EIF4E3: variants seen among roughly 807,000 people sequenced by gnomAD.
EIF4E3 encodes eukaryotic translation initiation factor 4E type 3.
EIF4E3 carries 26 observed loss-of-function variants against 31.7 expected under a neutral mutation model. The observed-to-expected ratio is 0.82, with a 90% CI of 0.60 to 1.14. The LOEUF (loss-of-function observed/expected upper bound fraction) is 1.14, where lower values mean the gene tolerates loss of function less well. EIF4E3 is among the 50% of genes most tolerant of loss of function. The probability of loss-of-function intolerance (pLI) is 0.00; values close to 1 mark genes in which losing one functional copy is unlikely to be tolerated. For synonymous variants in EIF4E3, 128 were observed against 107.7 expected (o/e 1.19, Z -1.17); for missense variants, 304 against 270.9 (o/e 1.12, Z -0.86).
At chr3:71,734,310 T>C (rs2049739114) in intron 1 of EIF4E3, among the ~76,000 whole-genome samples, 1 of 152,214 alleles carries the variant, frequency 6.6e-6, no homozygotes, top group Non-Finnish European at 1.5e-5. Flanking sequence ...CACAAATATA[T>C]ACTGTGGTTG....
rs1294471433 is a variant in EIF4E3 at position 71,725,248 on chromosome 3, C to A, written c.120G>T (p.Leu40=). 2 of 1,086,140 alleles carry A rather than the reference C, an allele frequency of 1.8e-6. No homozygotes were observed. The highest frequency in any genetic ancestry group is 1.1e-6 in the Non-Finnish European group (1 of 894,792). The allele number at this position is 1,086,140 out of a possible 1,614,324, so 67.3% of individuals were successfully genotyped here. ...PPLGLQQLSA[L]QPEPGGVPLH... ...GCGGGACCCCGCCCGGCTCAGGCTG[C>A]AGCGCCGACAGCTGCTGCAGGCCGA... Residue 40 remains leucine (L), a synonymous_variant, in exon 1 of 7, where the codon CTG becomes CTT. Coordinates refer to ENST00000425534, the MANE Select transcript of EIF4E3 (RefSeq NM_001134651.2). This position sits in a 1 kb window ranked among gnomAD's most constrained non-coding sequence, Gnocchi z 6.1.
chr3:71,728,336 A>C (rs924115127), upstream of EIF4E3: 1 of 152,318 alleles, frequency 6.6e-6, no homozygotes, highest in African/African-American at 2.4e-5. Flanking sequence ...AAGATAATAA[A>C]TTGGGGAAAT....
At position 71,677,746 on chromosome 3, in the gene EIF4E3, G is replaced by C. The variant is rs1218026145; in HGVS notation, c.*6936C>G. On this transcript the variant is annotated 3_prime_UTR_variant, in exon 7 of 7. Coordinates refer to ENST00000425534, the MANE Select transcript of EIF4E3 (RefSeq NM_001134651.2). ...AAGTCTGCAGATGAATGGAAGAAGA[G>C]TTTGTTGGTACGTTTTGTTTGTTTT... The C allele has an allele frequency of 6.6e-6, 1 of 152,168 alleles. No homozygotes were observed. Among genetic ancestry groups the C allele is most frequent in the East Asian group, 1.9e-4 (1 of 5,202 alleles). The allele number at this position is 152,168 out of a possible 1,614,324, so 9.4% of individuals were successfully genotyped here.
chr3:71,749,374 G>A (rs1476471579), intron 1 of EIF4E3, among the ~76,000 whole-genome samples: 1 of 152,238 alleles, frequency 6.6e-6, no homozygotes, highest in Non-Finnish European at 1.5e-5. Flanking sequence ...GTCCCATGGG[G>A]AGGTCAACTT....
chr3:71,703,596 ATGCCC>A (rs1430544523), intron 2 of EIF4E3, among the ~76,000 whole-genome samples: 1 of 152,126 alleles, frequency 6.6e-6, no homozygotes, highest in African/African-American at 2.4e-5. Flanking sequence ...TGGAGCAACT[ATGCCC>A]CACCTTACAG....
chr3:71,700,092 T>G (rs1300783525), intron 2 of EIF4E3, among the ~76,000 whole-genome samples: 1 of 152,164 alleles, frequency 6.6e-6, no homozygotes, highest in Non-Finnish European at 1.5e-5. Context: ...GAGAATAGCT[T>G]GAGCCTGGGA....
chr3:71,740,531 T>C (rs1210440704), intron 1 of EIF4E3, among the ~76,000 whole-genome samples: 2 of 152,142 alleles, frequency 1.3e-5, no homozygotes, highest in African/African-American at 4.8e-5. Flanking sequence ...TCCAGGAGTT[T>C]GCGACCAGCC....
intron 2 of EIF4E3, among the ~76,000 whole-genome samples, chr3:71,705,067 C>A (rs1284192755): frequency 1.3e-5 from 2 of 152,186 alleles, no homozygotes; most frequent in East Asian, 3.8e-4. Context: ...CCTTCTCTTT[C>A]TCTTTTCAGT....
chr3:71,739,581 C>T (rs886870248), intron 1 of EIF4E3, among the ~76,000 whole-genome samples: 1 of 152,014 alleles, frequency 6.6e-6, no homozygotes, highest in African/African-American at 2.4e-5. Flanking sequence ...GCTGTAGTCC[C>T]AGCTACTCAA....
At chr3:71,696,879 C>A (rs541539970) in intron 3 of EIF4E3, among the ~76,000 whole-genome samples, 4 of 151,916 alleles carry the variant, frequency 2.6e-5, no homozygotes, top group African/African-American at 7.2e-5. Context: ...CCAAGTCCAG[C>A]TAAATTTTTT....
the EIF4E3 span, among the ~76,000 whole-genome samples, chr3:71,661,825 A>C: frequency 6.6e-6 from 1 of 152,282 alleles, no homozygotes; most frequent in South Asian, 2.1e-4. Flanking sequence ...GGATGGTGAG[A>C]TAATGCTTAA....
chr3:71,754,612 T>A, upstream of EIF4E3: 1 of 1,451,618 alleles, frequency 6.9e-7, no homozygotes, highest in Non-Finnish European at 9.1e-7. The surrounding 1 kb of genome is among the most constrained non-coding windows in gnomAD (Gnocchi z 5.8). Context: ...GGCTTCCTGC[T>A]GCTGCTGGCC....
intron 5 of EIF4E3, among the ~76,000 whole-genome samples, chr3:71,692,497 C>T (rs770417494): frequency 2.6e-5 from 4 of 152,074 alleles, no homozygotes; most frequent in Non-Finnish European, 5.9e-5. Flanking sequence ...TAATTATACA[C>T]AGGATACATT....
intron 1 of EIF4E3, among the ~76,000 whole-genome samples, chr3:71,749,454 A>T (rs774818279): frequency 6.6e-6 from 1 of 152,174 alleles, no homozygotes; most frequent in Non-Finnish European, 1.5e-5. Flanking sequence ...AAGAGTTGGG[A>T]TGGAGTTAAG....
chr3:71,708,865 G>A lies in EIF4E3; in HGVS notation c.249+1547C>T, dbSNP rs550981384. On this transcript the variant is annotated intron_variant, in intron 2 of 6. Coordinates refer to ENST00000425534, the MANE Select transcript of EIF4E3 (RefSeq NM_001134651.2). ...TCTCTGGACAGTGGTGCTGCCTTGA[G>A]GTGCTGTCTGTACTTGGCACTGCAC... is the stretch of plus-strand genomic sequence containing the variant. 3.2e-3 allele frequency among the ~76,000 whole-genome samples: 488 copies of A among 152,248 alleles called. 5 individuals carry two copies. The highest frequency in any genetic ancestry group is 0.011 in the African/African-American group (470 of 41,520).
upstream of EIF4E3, among the ~76,000 whole-genome samples, chr3:71,725,590 C>T (rs2049627382): frequency 6.6e-6 from 1 of 151,778 alleles, no homozygotes; most frequent in Non-Finnish European, 1.5e-5. This position sits in a 1 kb window ranked among gnomAD's most constrained non-coding sequence, Gnocchi z 6.1. Context: ...AAAGACAGAC[C>T]CACGGAGGGA....
the EIF4E3 span, among the ~76,000 whole-genome samples, chr3:71,665,545 T>C: frequency 6.6e-6 from 1 of 152,240 alleles, no homozygotes; most frequent in Non-Finnish European, 1.5e-5. Flanking sequence ...ATCAGAGACA[T>C]GAAAGTCTGT....
At chr3:71,703,204 A>G (rs1255248054) in intron 2 of EIF4E3, among the ~76,000 whole-genome samples, 1 of 152,238 alleles carries the variant, frequency 6.6e-6, no homozygotes, top group African/African-American at 2.4e-5. Context: ...AGTTGTGAAC[A>G]GAGCACTGTG....
chr3:71,678,597 A>C lies in EIF4E3; in HGVS notation c.*6085T>G, dbSNP rs897084135. Reference sequence around the variant, plus strand: ...ATAAAATCAAAAATAACTAGAACAGAAAAGTTTTCAGTCTGACCTTAAAAA... The same window carrying C: ...ATAAAATCAAAAATAACTAGAACAGCAAAGTTTTCAGTCTGACCTTAAAAA... On this transcript the variant is annotated 3_prime_UTR_variant, in exon 7 of 7. Transcript: ENST00000425534. 1 of 152,170 alleles carries C rather than the reference A, an allele frequency of 6.6e-6. No individual in the cohort carries two copies. Among genetic ancestry groups the C allele is most frequent in the Non-Finnish European group, 1.5e-5 (1 of 68,034 alleles). 9.4% of individuals were successfully genotyped at this position (152,170 alleles called of 1,614,324 possible). A position where few individuals can be genotyped will look rare whatever the true frequency, so the allele number is the denominator to read the frequency against.
Sources: allele counts gnomAD v4.1 joint callset (sites outside exome capture counted in the v4.1 genomes callset), GRCh38; gene constraint gnomAD v4.1.1; non-coding constraint Gnocchi (gnomAD v3.1); transcripts MANE v1.5; gene names NCBI Gene and HGNC (gene_info 2026-07-23, HGNC 2026-07-21).